Variants in CSMD1 observed in about 807,000 individuals in gnomAD.
CSMD1 encodes the protein CUB and sushi domain-containing protein 1.
A neutral mutation model predicts 417.5 loss-of-function variants in CSMD1; 213 were observed. The observed-to-expected ratio is 0.51, with a 90% CI of 0.46 to 0.57. The LOEUF (loss-of-function observed/expected upper bound fraction) is 0.57, where lower values mean the gene tolerates loss of function less well. Ranked by LOEUF, CSMD1 falls within the 20% of genes least tolerant of loss-of-function variation. The pLI is 0.00. For synonymous variants in CSMD1, 2,862 were observed against 1,736.8 expected (o/e 1.65, Z -16.11); for missense variants, 6,923 against 4,529.7 (o/e 1.53, Z -15.17).
chr8:4,168,146 TACAC>T (rs34184056), intron 3 of CSMD1, among the ~76,000 whole-genome samples: 130,159 of 149,416 alleles, frequency 0.87, 57,811 homozygotes, highest in Non-Finnish European at 0.95. Flanking sequence ...AAAAAAAATA[TACAC>T]ACACACACAC....
intron 1 of CSMD1, among the ~76,000 whole-genome samples, chr8:4,757,105 AAC>A (rs1329692260): frequency 1.3e-5 from 2 of 152,218 alleles, no homozygotes; most frequent in Non-Finnish European, 2.9e-5. Context: ...ACAAAGAACA[AAC>A]ACAAACATAA....
chr8:4,169,812 C>G lies in CSMD1; in HGVS notation c.416-137713G>C, dbSNP rs568581644. On this transcript the variant is annotated intron_variant, in intron 3 of 69. Transcript: ENST00000635120. ...ACGTATCTTCCTTCCACCAGCAGCA[C>G]TTTCTGTCTGCCCTTCCTGAATTAT... Among the ~76,000 whole-genome samples the G allele has an allele frequency of 3.9e-5, 6 of 152,276 alleles. No individual in the cohort carries two copies. In the East Asian group the frequency reaches 9.7e-4, roughly 25 times the overall value.
chr8:4,787,996 A>C (rs1024321873), intron 1 of CSMD1: 29 of 1,592,698 alleles, frequency 1.8e-5, no homozygotes, highest in Non-Finnish European at 2.4e-5. Flanking sequence ...AAAGACAAAC[A>C]GTGTTATCGG....
intron 12 of CSMD1, among the ~76,000 whole-genome samples, chr8:3,449,567 G>C (rs149018398): frequency 3.5e-4 from 53 of 151,824 alleles, no homozygotes; most frequent in African/African-American, 1.2e-3. Context: ...GCCCAGGCTG[G>C]AGTGCAATGG....
intron 24 of CSMD1, 122 bp downstream of exon 24, chr8:3,308,190 A>AACTCACTCACACTGGAAAAAAACTC (rs5888960): frequency 2.7e-6 from 2 of 749,840 alleles, no homozygotes; most frequent in Non-Finnish European, 4.3e-6. Context: ...GAATACATAA[A>AACTCACTCACACTGGAAAAAAACTC]ACTCACACTG....
chr8:3,671,479 ATAC>A (rs1563256702), intron 7 of CSMD1, among the ~76,000 whole-genome samples: 56 of 111,546 alleles, frequency 5.0e-4, no homozygotes, highest in African/African-American at 1.8e-3. Context: ...AATCATATAT[ATAC>A]TCATATATAT....
intron 16 of CSMD1, among the ~76,000 whole-genome samples, chr8:3,397,890 C>A (rs922925354): frequency 1.3e-5 from 2 of 152,180 alleles, no homozygotes; most frequent in African/African-American, 4.8e-5. Flanking sequence ...CAATCCCATC[C>A]TTTAAGGTGT....
intron 8 of CSMD1, among the ~76,000 whole-genome samples, chr8:3,589,013 T>C (rs1050164907): frequency 6.6e-6 from 1 of 152,038 alleles, no homozygotes; most frequent in Non-Finnish European, 1.5e-5. Flanking sequence ...GAAATGCAAA[T>C]TAAAACCACA....
At chr8:3,356,853 C>G (rs1395367670) in intron 21 of CSMD1, among the ~76,000 whole-genome samples, 1 of 152,128 alleles carries the variant, frequency 6.6e-6, no homozygotes, top group African/African-American at 2.4e-5. Context: ...GGACTCTGAT[C>G]CAGGACAGCG....
chr8:4,565,436 C>G (rs1202741568), intron 2 of CSMD1, among the ~76,000 whole-genome samples: 1 of 151,984 alleles, frequency 6.6e-6, no homozygotes, highest in East Asian at 1.9e-4. Flanking sequence ...GCAATTTTTT[C>G]AAGTAAAATA....
intron 12 of CSMD1, among the ~76,000 whole-genome samples, chr8:3,442,235 C>G (rs934778675): frequency 6.6e-6 from 1 of 152,050 alleles, no homozygotes; most frequent in African/African-American, 2.4e-5. Flanking sequence ...TTACAGTAAG[C>G]TAAGGTTAAT....
chr8:2,964,196 C>A (rs1461882049), intron 59 of CSMD1, among the ~76,000 whole-genome samples: 1 of 152,230 alleles, frequency 6.6e-6, no homozygotes, highest in Non-Finnish European at 1.5e-5. Flanking sequence ...AAAAGAACAA[C>A]CGCTTGCATT....
intron 8 of CSMD1, among the ~76,000 whole-genome samples, chr8:3,609,354 A>G (rs1801776479): frequency 6.6e-6 from 1 of 152,218 alleles, no homozygotes; most frequent in South Asian, 2.1e-4. Context: ...TAAATATTCA[A>G]TTGTGATGAA....
chr8:3,301,691 A>G (rs1193904163), intron 25 of CSMD1, among the ~76,000 whole-genome samples: 5 of 152,144 alleles, frequency 3.3e-5, no homozygotes, highest in Admixed American at 2.0e-4. Flanking sequence ...GCAGCCAAAG[A>G]TACACCTGGA....
intron 4 of CSMD1, 55 bp from the exon 5 acceptor site, chr8:3,998,165 C>T (rs906974940): frequency 8.3e-6 from 12 of 1,448,706 alleles, no homozygotes; most frequent in East Asian, 2.5e-5. Flanking sequence ...TTTTCATACA[C>T]GAGTGTGTCC....
At chr8:3,889,552 T>C (rs1334864586) in intron 5 of CSMD1, among the ~76,000 whole-genome samples, 1 of 81,568 alleles carries the variant, frequency 1.2e-5, no homozygotes, top group Non-Finnish European at 2.8e-5. Flanking sequence ...TATGTGTATA[T>C]GTGTGTCTGT....
At chr8:4,062,542 C>G (rs148236991) in intron 3 of CSMD1, among the ~76,000 whole-genome samples, 262 of 152,242 alleles carry the variant, frequency 1.7e-3, no homozygotes, top group African/African-American at 5.9e-3. Context: ...GTGGCATTGA[C>G]ATGAACAACA....
At chr8:4,231,179 A>G (rs868186500) in intron 3 of CSMD1, among the ~76,000 whole-genome samples, 1 of 152,204 alleles carries the variant, frequency 6.6e-6, no homozygotes, top group Admixed American at 6.5e-5. Context: ...TTTAAAATAC[A>G]CATCAATTGC....
At chr8:3,607,755 C>A (rs184654159) in intron 8 of CSMD1, among the ~76,000 whole-genome samples, 14 of 152,354 alleles carry the variant, frequency 9.2e-5, no homozygotes, top group Middle Eastern at 3.4e-3. Context: ...TAAAGCCCCT[C>A]CTCTGTATCT....
Sources: gnomAD v4.1 joint callset for allele counts (sites outside exome capture counted in the v4.1 genomes callset) on GRCh38, gnomAD v4.1.1 for gene constraint, MANE v1.5 for transcripts, NCBI Gene and HGNC (gene_info 2026-07-23, HGNC 2026-07-21) for gene names.